AEBP1: variants seen among roughly 807,000 people sequenced by gnomAD.
AEBP1 encodes adipocyte enhancer-binding protein 1.
A neutral mutation model predicts 116.5 loss-of-function variants in AEBP1; 69 were observed. The ratio of observed to expected loss-of-function variants is 0.59; its 90% confidence interval spans 0.49 to 0.72. The LOEUF (loss-of-function observed/expected upper bound fraction) is 0.72, where lower values mean the gene tolerates loss of function less well. AEBP1 is among the 30% of genes least tolerant of loss of function. The pLI is 0.00. For synonymous variants in AEBP1, 627 were observed against 627.3 expected, an observed-to-expected ratio of 1.00 and a Z score of 0.01; for missense variants, 1,444 against 1,557.5, an observed-to-expected ratio of 0.93 and a Z score of 1.23.
intron 1 of AEBP1, among the ~76,000 whole-genome samples, chr7:44,105,201 C>T (rs2096221698): frequency 6.6e-6 from 1 of 152,184 alleles, no homozygotes; most frequent in South Asian, 2.1e-4. Context: ...TCCTCCAGTA[C>T]GCGACAGGTA....
In AEBP1 at chr7:44,113,179, T is replaced by C; in HGVS notation, c.2709+49T>C. 1 of 1,613,258 alleles carries C rather than the reference T, an allele frequency of 6.2e-7. No homozygotes were observed. Among genetic ancestry groups the C allele is most frequent in the Non-Finnish European group, 8.5e-7 (1 of 1,179,576 alleles). ...GGGGAGAGGAGGCTGCACAGGCTCC[T>C]GGATGGGCGGGAGGGAGCAGCGGAC... On this transcript the variant is annotated intron_variant, in intron 19 of 20. Transcript: ENST00000223357. This position sits in a 1 kb window ranked among gnomAD's most constrained non-coding sequence, Gnocchi z 5.3.
chr7:44,109,763 C>T (rs2128808631), intron 9 of AEBP1: 2 of 581,996 alleles, frequency 3.4e-6, no homozygotes, highest in Admixed American at 3.0e-5. Flanking sequence ...CATGGTCAGC[C>T]CGTTCTCCAG....
rs2096229161 is a variant in AEBP1 at position 44,111,328 on chromosome 7, C to G, written c.1716+89C>G. 7.1e-7 allele frequency: 1 copy of G among 1,413,638 alleles called. No homozygotes were observed. Among genetic ancestry groups the G allele is most frequent in the Admixed American group, 2.8e-5 (1 of 36,186 alleles). The allele number at this position is 1,413,638 out of a possible 1,614,324, so 87.6% of individuals were successfully genotyped here. A position where few individuals can be genotyped will look rare whatever the true frequency, so the allele number is the denominator to read the frequency against. The stretch of plus-strand genomic sequence containing the variant: ...TGGTGCTTCTGTCACTGGGCCCAGT[C>G]CCTACTGGTTCCAGGGATGCTGGCT... On this transcript the variant is annotated intron_variant, in intron 14 of 20. Transcript: ENST00000223357. This position sits in a 1 kb window ranked among gnomAD's most constrained non-coding sequence, Gnocchi z 4.7.
chr7:44,107,907 G>A lies in AEBP1; in HGVS notation c.838G>A (p.Ala280Thr). 1 of 1,593,122 alleles carries A rather than the reference G, an allele frequency of 6.3e-7. No homozygotes were observed. The highest frequency in any genetic ancestry group is 8.5e-7 in the Non-Finnish European group (1 of 1,170,490). The change falls in exon 5 of 21, where the codon GCC (alanine) becomes ACC (threonine). Residue 280 changes from alanine (A) to threonine (T), a missense_variant. By Grantham distance (58) the Ala-to-Thr change is moderately conservative (BLOSUM62 0). Transcript: ENST00000223357. This position sits in a 1 kb window ranked among gnomAD's most constrained non-coding sequence, Gnocchi z 4.3. Reference protein sequence around the residue: ...WPEPPEEKAPAPAPEERIEPP... With the variant: ...WPEPPEEKAPTPAPEERIEPP... ...AGAGCCCCCTGAGGAGAAGGCCCCGGCCCCAGCCCCGGAGGAGAGGATTGG... is the reference window on the plus strand; with the variant it reads ...AGAGCCCCCTGAGGAGAAGGCCCCGACCCCAGCCCCGGAGGAGAGGATTGG...
rs1422477635 is a variant in AEBP1 at position 44,104,629 on chromosome 7, C to T, written c.-37C>T. 2.1e-6 allele frequency: 3 copies of T among 1,396,074 alleles called. No individual in the cohort carries two copies. The African/African-American group carries it at 4.6e-5, about 21-fold the overall frequency. 86.5% of individuals were successfully genotyped at this position (1,396,074 alleles called of 1,614,324 possible). On this transcript the variant is annotated 5_prime_UTR_variant, in exon 1 of 21. Coordinates refer to ENST00000223357, the MANE Select transcript of AEBP1 (RefSeq NM_001129.5). ...CAGAGACCCAGAGCCCCTGACCCCC[C>T]GCGCCCTCCCCGGAGCCCCCCGCGC...
At position 44,111,363 on chromosome 7, in the gene AEBP1, C is replaced by T; in HGVS notation, c.1716+124C>T. ...TCCAGGGATGCTGGCTGTCCCTCACCTTAGGAAGGAGGCCAGTACCTGGGG... is the reference window on the plus strand; with the variant it reads ...TCCAGGGATGCTGGCTGTCCCTCACTTTAGGAAGGAGGCCAGTACCTGGGG... On this transcript the variant is annotated intron_variant, in intron 14 of 20. Coordinates refer to ENST00000223357, the MANE Select transcript of AEBP1 (RefSeq NM_001129.5). The surrounding 1 kb of genome is among the most constrained non-coding windows in gnomAD (Gnocchi z 4.7). 1 of 1,412,184 alleles carries T rather than the reference C, an allele frequency of 7.1e-7. No homozygotes were observed. Among genetic ancestry groups the T allele is most frequent in the Non-Finnish European group, 9.4e-7 (1 of 1,065,312 alleles). The allele number at this position is 1,412,184 out of a possible 1,614,324, so 87.5% of individuals were successfully genotyped here. A position where few individuals can be genotyped will look rare whatever the true frequency, so the allele number is the denominator to read the frequency against.
Position 44,112,832 on chromosome 7 carries a change from G to A in AEBP1, c.2492G>A (p.Arg831His), listed in dbSNP as rs975036301. The A allele has an allele frequency of 1.2e-6, 2 of 1,612,250 alleles. No individual in the cohort carries two copies. Among genetic ancestry groups the A allele is most frequent in the East Asian group, 2.2e-5 (1 of 44,866 alleles). ...CACCTCACCTTGACCGAGCCCTACC[G>A]CGGAGGCTGCCAAGCCCAGGACTAC... ...SAHLTLTEPY[R>H]GGCQAQDYTG... The change falls in exon 18 of 21, where the codon CGC becomes CAC. Residue 831 changes from arginine (R) to histidine (H), a missense_variant. Physicochemically the swap from Arg to His is conservative, Grantham distance 29. Transcript: ENST00000223357. This position sits in a 1 kb window ranked among gnomAD's most constrained non-coding sequence, Gnocchi z 6.6.
chr7:44,112,645 G>A lies in AEBP1; in HGVS notation c.2305G>A (p.Val769Ile). The A allele has an allele frequency of 6.2e-7, 1 of 1,613,008 alleles. No homozygotes were observed. The highest frequency in any genetic ancestry group is 8.5e-7 in the Non-Finnish European group (1 of 1,179,730). Residue 769 changes from valine to isoleucine, a missense_variant, in exon 18 of 21, where the codon GTA becomes ATA. Val to Ile is a conservative substitution (Grantham distance 29, BLOSUM62 3). Transcript: ENST00000223357. This position sits in a 1 kb window ranked among gnomAD's most constrained non-coding sequence, Gnocchi z 6.6. ...AAATCTGAACGGCGGCGAGCGGCTA[G>A]TATCCTACCCCTACGATATGGCCCG... ...GANLNGGERL[V>I]SYPYDMARTP... is the part of the protein sequence containing the mutation.
chr7:44,109,055 C>T, intron 7 of AEBP1, 52 bp from the exon 8 acceptor site: 3 of 1,611,940 alleles, frequency 1.9e-6, no homozygotes, highest in African/African-American at 1.3e-5. Context: ...CCCACATGGT[C>T]CTCAAAGCCC....
In AEBP1 at chr7:44,111,981, G is replaced by T. The variant is rs1478796190; in HGVS notation, c.1968G>T (p.Leu656=). ...YRDGNPRVRS[L]VQDTRIHLVP... ...ATGGGAACCCACGTGTGCGCAGCCT[G>T]GTGCAGGACACACGCATCCACCTGG... Residue 656 remains leucine (L), a synonymous_variant, in exon 16 of 21, where the codon CTG becomes CTT. Coordinates refer to ENST00000223357, the MANE Select transcript of AEBP1 (RefSeq NM_001129.5). The surrounding 1 kb of genome is among the most constrained non-coding windows in gnomAD (Gnocchi z 4.7). The T allele has an allele frequency of 6.2e-7, 1 of 1,613,852 alleles. No individual in the cohort carries two copies. Among genetic ancestry groups the T allele is most frequent in the Admixed American group, 1.7e-5 (1 of 60,026 alleles).
rs2096234119 is a variant in AEBP1 at position 44,114,216 on chromosome 7, C to T, written c.3432C>T (p.Pro1144=). The T allele has an allele frequency of 6.2e-7, 1 of 1,610,678 alleles. No individual in the cohort carries two copies. Among genetic ancestry groups the T allele is most frequent in the African/African-American group, 1.4e-5 (1 of 74,024 alleles). Residue 1144 remains proline, a synonymous_variant, in exon 21 of 21, where the codon CCC becomes CCT. Coordinates refer to ENST00000223357, the MANE Select transcript of AEBP1 (RefSeq NM_001129.5). ...EEEIATGQAF[P]FTTVETYTVN... Reference sequence around the variant, plus strand: ...AGATAGCCACTGGCCAGGCATTCCCCTTCACAACAGTAGAGACCTACACAG... The same window carrying T: ...AGATAGCCACTGGCCAGGCATTCCCTTTCACAACAGTAGAGACCTACACAG...
At position 44,111,302 on chromosome 7, in the gene AEBP1, C is replaced by G; in HGVS notation, c.1716+63C>G. 6.9e-7 allele frequency: 1 copy of G among 1,453,912 alleles called. No individual in the cohort carries two copies. The highest frequency in any genetic ancestry group is 9.1e-7 in the Non-Finnish European group (1 of 1,094,322). The allele number at this position is 1,453,912 out of a possible 1,614,324, so 90.1% of individuals were successfully genotyped here. A position where few individuals can be genotyped will look rare whatever the true frequency, so the allele number is the denominator to read the frequency against. ...GTCTGTGGCTGACGGGAGTGTGTGCCTGGTGCTTCTGTCACTGGGCCCAGT... is the reference window on the plus strand; with the variant it reads ...GTCTGTGGCTGACGGGAGTGTGTGCGTGGTGCTTCTGTCACTGGGCCCAGT... On this transcript the variant is annotated intron_variant, in intron 14 of 20. Transcript: ENST00000223357. The surrounding 1 kb of genome is among the most constrained non-coding windows in gnomAD (Gnocchi z 4.7).
intron 1 of AEBP1, among the ~76,000 whole-genome samples, chr7:44,105,983 A>G (rs1010797617): frequency 6.6e-6 from 1 of 152,084 alleles, no homozygotes; most frequent in Non-Finnish European, 1.5e-5. Flanking sequence ...AGGACTCCCT[A>G]TCCTTCCAAT....
In AEBP1 at chr7:44,114,105, C is replaced by G; in HGVS notation, c.3321C>G (p.Pro1107=). 6.2e-7 allele frequency: 1 copy of G among 1,613,736 alleles called. No homozygotes were observed. ...VEPEFGTKVE[P]EFETQLEPEF... ...CCGAGTTTGGGACCAAGGTGGAGCC[C>G]GAGTTTGAGACCCAGTTGGAGCCTG... Residue 1107 remains proline, a synonymous_variant, in exon 21 of 21, where the codon CCC becomes CCG. Coordinates refer to ENST00000223357, the MANE Select transcript of AEBP1 (RefSeq NM_001129.5).
chr7:44,109,823 C>T, intron 9 of AEBP1, 192 bp from the exon 10 acceptor site: 1 of 607,584 alleles, frequency 1.6e-6, no homozygotes, highest in Non-Finnish European at 2.9e-6. Flanking sequence ...GGATTGGAAA[C>T]AGCTCCTGGC....
intron 1 of AEBP1, 112 bp from the exon 2 acceptor site, chr7:44,106,434 C>T (rs1586044891): frequency 8.5e-7 from 1 of 1,172,450 alleles, no homozygotes; most frequent in East Asian, 2.6e-5. Flanking sequence ...TGCTGATCCG[C>T]ACTGGGAACT....
rs1461217527 is a variant in AEBP1, at chr7:44,108,444, G to A, written c.940+360G>A. Among the ~76,000 whole-genome samples, 6 of 152,040 alleles carry A rather than the reference G, an allele frequency of 3.9e-5. No homozygotes were observed. The highest frequency in any genetic ancestry group is 9.7e-5 in the African/African-American group (4 of 41,384). ...CTGCCCCACTCTCTTCAGGGAGCCC[G>A]AGGGCTTTTGCCTCCCTGTTGCTCA... On this transcript the variant is annotated intron_variant, in intron 6 of 20. Transcript: ENST00000223357. This position sits in a 1 kb window ranked among gnomAD's most constrained non-coding sequence, Gnocchi z 5.0.
In AEBP1 at chr7:44,113,976, C is replaced by T. The variant is rs1304790726; in HGVS notation, c.3192C>T (p.Thr1064=). 6.2e-7 allele frequency: 1 copy of T among 1,613,778 alleles called. No individual in the cohort carries two copies. The highest frequency in any genetic ancestry group is 1.7e-5 in the Admixed American group (1 of 59,960). ...CCCCTGCCACCACCCTGAGCACTAC[C>T]ATAGAGCCCTGGGGCCTCATACCGC... is the stretch of plus-strand genomic sequence containing the variant. The part of the protein sequence containing the change: ...PPAPATTLST[T]IEPWGLIPPT... The change falls in exon 21 of 21, where the codon ACC becomes ACT. Residue 1064 remains threonine, a synonymous_variant. Transcript: ENST00000223357. This position sits in a 1 kb window ranked among gnomAD's most constrained non-coding sequence, Gnocchi z 5.3.
Position 44,114,165 on chromosome 7 carries a change from AGAGGAG to A in AEBP1, c.3391_3396del (p.Glu1131_Glu1132del), listed in dbSNP as rs766802928. On this transcript the variant is annotated inframe_deletion, in exon 21 of 21. Transcript: ENST00000223357. ...CCCAGCTGGAACCCGAGTTTGAGGA[AGAGGAG>A]GAGGAGGAGAAAGAGGAGGAGATAG... 1 of 1,611,554 alleles carries A rather than the reference AGAGGAG, an allele frequency of 6.2e-7. No homozygotes were observed. Among genetic ancestry groups the A allele is most frequent in the Non-Finnish European group, 8.5e-7 (1 of 1,177,844 alleles).
Sources: gnomAD v4.1 joint callset for allele counts (sites outside exome capture counted in the v4.1 genomes callset) on GRCh38, gnomAD v4.1.1 for gene constraint, Gnocchi (gnomAD v3.1) non-coding constraint, MANE v1.5 for transcripts, NCBI Gene and HGNC (gene_info 2026-07-23, HGNC 2026-07-21) for gene names.